CDK8: variants seen among roughly 807,000 people sequenced by gnomAD.
CDK8 encodes cyclin dependent kinase 8.
In CDK8, 29 loss-of-function variants were observed where a neutral mutation model predicts 71.5. That is an observed-to-expected ratio of 0.41 (90% CI 0.30 to 0.55). The LOEUF is 0.55. Ranked by LOEUF, CDK8 falls within the 20% of genes least tolerant of loss-of-function variation. The probability of loss-of-function intolerance (pLI) is 0.37; values close to 1 mark genes in which losing one functional copy is unlikely to be tolerated. For synonymous variants in CDK8, 161 were observed against 192.1 expected (o/e 0.84, Z 1.34); for missense variants, 288 against 572.6 (o/e 0.50, Z 5.07).
intron 1 of CDK8, among the ~76,000 whole-genome samples, chr13:26,302,182 A>G (rs990279160): frequency 6.6e-6 from 1 of 152,202 alleles, no homozygotes; most frequent in Non-Finnish European, 1.5e-5. Flanking sequence ...AAAACACCCC[A>G]ATAGAATTCT....
intron 1 of CDK8, among the ~76,000 whole-genome samples, chr13:26,337,318 C>G (rs1873036734): frequency 6.6e-6 from 1 of 152,136 alleles, no homozygotes; most frequent in South Asian, 2.1e-4. Flanking sequence ...GTATCTCAAT[C>G]TGTGTCTTCC....
intron 1 of CDK8, among the ~76,000 whole-genome samples, chr13:26,298,287 AT>A (rs2137912176): frequency 6.6e-6 from 1 of 152,236 alleles, no homozygotes; most frequent in Admixed American, 6.5e-5. Flanking sequence ...CTAAGTAATT[AT>A]TGGGGAATGG....
intron 3 of CDK8, among the ~76,000 whole-genome samples, chr13:26,349,838 C>T (rs1347054904): frequency 6.6e-6 from 1 of 152,126 alleles, no homozygotes; most frequent in Non-Finnish European, 1.5e-5. Context: ...TTTTCAGTGG[C>T]AGTAGTTCAA....
intron 1 of CDK8, among the ~76,000 whole-genome samples, chr13:26,270,247 G>A (rs894323064): frequency 2.0e-5 from 3 of 151,868 alleles, no homozygotes; most frequent in Non-Finnish European, 2.9e-5. Context: ...AAATTAGCTG[G>A]GTGTGGTGGC....
At chr13:26,402,911 A>G (rs1259044258) in intron 12 of CDK8, among the ~76,000 whole-genome samples, 1 of 151,826 alleles carries the variant, frequency 6.6e-6, no homozygotes, top group Admixed American at 6.6e-5. Flanking sequence ...TCATGTGTCC[A>G]CTCTTTTTAA....
chr13:26,360,729 C>T (rs1874098946), intron 4 of CDK8, among the ~76,000 whole-genome samples: 1 of 152,168 alleles, frequency 6.6e-6, no homozygotes, highest in Non-Finnish European at 1.5e-5. Flanking sequence ...TTACTTGTAA[C>T]AGAAACAAAG....
At chr13:26,330,283 G>A (rs1252931232) in intron 1 of CDK8, among the ~76,000 whole-genome samples, 1 of 152,102 alleles carries the variant, frequency 6.6e-6, no homozygotes, top group African/African-American at 2.4e-5. Context: ...TCAGCTTGCT[G>A]CAACCTCCGT....
At chr13:26,385,540 A>G (rs1875435657) in intron 6 of CDK8, among the ~76,000 whole-genome samples, 198 bp downstream of exon 6, 1 of 152,178 alleles carries the variant, frequency 6.6e-6, no homozygotes, top group Non-Finnish European at 1.5e-5. Flanking sequence ...TTTTGAGACC[A>G]GCCTGGGCAA....
At chr13:26,330,037 G>T (rs1482868398) in intron 1 of CDK8, among the ~76,000 whole-genome samples, 1 of 151,932 alleles carries the variant, frequency 6.6e-6, no homozygotes, top group Non-Finnish European at 1.5e-5. Flanking sequence ...AACTTCTTAA[G>T]TCTTTTTGTG....
intron 1 of CDK8, among the ~76,000 whole-genome samples, chr13:26,256,977 G>A (rs1235254715): frequency 2.0e-5 from 3 of 152,086 alleles, no homozygotes; most frequent in East Asian, 3.8e-4. Flanking sequence ...CTCTGGTAAA[G>A]TATCGCATAG....
intron 1 of CDK8, among the ~76,000 whole-genome samples, chr13:26,319,112 G>T (rs115702458): frequency 1.3e-5 from 2 of 152,082 alleles, no homozygotes; most frequent in Non-Finnish European, 2.9e-5. Flanking sequence ...TTGCATTTCC[G>T]TACACTAATA....
chr13:26,318,056 AG>A (rs1874596201), intron 1 of CDK8, among the ~76,000 whole-genome samples: 2 of 152,106 alleles, frequency 1.3e-5, no homozygotes, highest in African/African-American at 4.8e-5. Context: ...GAAAAAAAAA[AG>A]AGCAGACTTA....
intron 1 of CDK8, among the ~76,000 whole-genome samples, chr13:26,268,570 C>G (rs1050232854): frequency 2.0e-5 from 3 of 152,104 alleles, no homozygotes. Flanking sequence ...CCTGCCTCAG[C>G]CTCCTGAGTA....
At chr13:26,390,515 G>C (rs144030481) in intron 6 of CDK8, among the ~76,000 whole-genome samples, 5 of 152,152 alleles carry the variant, frequency 3.3e-5, no homozygotes, top group African/African-American at 9.6e-5. Flanking sequence ...TGAGTGTTTT[G>C]TTTTTTATTT....
chr13:26,293,392 C>T (rs1593244382), intron 1 of CDK8, among the ~76,000 whole-genome samples: 1 of 152,032 alleles, frequency 6.6e-6, no homozygotes, highest in Non-Finnish European at 1.5e-5. Flanking sequence ...TGCCTGAGCT[C>T]AGGAGTTCAT....
chr13:26,390,564 A>G (rs1468126637), intron 6 of CDK8, among the ~76,000 whole-genome samples: 3 of 152,256 alleles, frequency 2.0e-5, no homozygotes, highest in Non-Finnish European at 4.4e-5. Context: ...GGCTAAAAAA[A>G]GGGATATCAA....
intron 3 of CDK8, among the ~76,000 whole-genome samples, chr13:26,350,209 C>T (rs1011349518): frequency 1.4e-4 from 21 of 152,228 alleles, no homozygotes; most frequent in African/African-American, 5.1e-4. Flanking sequence ...ATTGTACTTA[C>T]TTGAATTGGG....
intron 4 of CDK8, among the ~76,000 whole-genome samples, chr13:26,375,244 A>G (rs1289530824): frequency 2.6e-5 from 4 of 152,218 alleles, no homozygotes; most frequent in Non-Finnish European, 4.4e-5. Context: ...TTTTGTTTTC[A>G]TTGTGCTTTT....
At chr13:26,263,198 C>T (rs574835975) in intron 1 of CDK8, among the ~76,000 whole-genome samples, 45 of 152,112 alleles carry the variant, frequency 3.0e-4, no homozygotes, top group Admixed American at 2.6e-3. Flanking sequence ...TGCAATGGCG[C>T]GATCTCCGCT....
Sources: gnomAD v4.1 joint callset for allele counts (sites outside exome capture counted in the v4.1 genomes callset) on GRCh38, gnomAD v4.1.1 for gene constraint, MANE v1.5 for transcripts, NCBI Gene and HGNC (gene_info 2026-07-23, HGNC 2026-07-21) for gene names.